Variants in TSC22D1 observed in about 807,000 individuals in gnomAD.
TSC22D1 encodes the protein TSC22 domain family protein 1.
TSC22D1 carries 9 observed loss-of-function variants against 74.2 expected under a neutral mutation model. The ratio of observed to expected loss-of-function variants is 0.12; its 90% CI spans 0.07 to 0.21. The LOEUF is 0.21. Among genes scored for constraint, TSC22D1 ranks in the 10% least tolerant of loss-of-function variants. TSC22D1 has a pLI of 1.00. For synonymous variants in TSC22D1, 586 were observed against 492.5 expected (o/e 1.19, Z -2.51); for missense variants, 1,427 against 1,304.7 (o/e 1.09, Z -1.44).
intron 1 of TSC22D1, among the ~76,000 whole-genome samples, chr13:44,517,645 G>C (rs1371449431): frequency 6.8e-6 from 1 of 146,518 alleles, no homozygotes; most frequent in Non-Finnish European, 1.5e-5. Flanking sequence ...AGGAGTTCAA[G>C]ACCAGCCTGG....
At position 44,573,389 on chromosome 13, in the gene TSC22D1, G is replaced by C; in HGVS notation, c.2686C>G (p.Gln896Glu). ...TGAGCTAATGATTGTGCGGAGAACT[G>C]GGTAGAACTTAGTGGTATCTGTTGT... Reference protein sequence around the residue: ...LAQQIPLSSTQFSAQSLAQAI... With the variant: ...LAQQIPLSSTEFSAQSLAQAI... Residue 896 changes from glutamine to glutamate, a missense_variant, in exon 1 of 3, where the codon CAG (glutamine) becomes GAG (glutamate). By Grantham distance (29) the Gln-to-Glu change is conservative (BLOSUM62 2). Transcript: ENST00000458659. 6 of 1,614,254 alleles carry C rather than the reference G, an allele frequency of 3.7e-6. No homozygotes were observed. Among genetic ancestry groups the C allele is most frequent in the Non-Finnish European group, 5.1e-6 (6 of 1,180,052 alleles).
chr13:44,467,202 A>T (rs528643141), intron 1 of TSC22D1, among the ~76,000 whole-genome samples: 1 of 152,178 alleles, frequency 6.6e-6, no homozygotes, highest in East Asian at 1.9e-4. Flanking sequence ...TGCTATGAAG[A>T]ATGAAACTGG....
rs138387724 is a variant in TSC22D1, at chr13:44,462,077, C to T, written c.2913-25982G>A. Among the ~76,000 whole-genome samples the T allele has an allele frequency of 4.3e-4, 66 of 152,138 alleles. 1 individual carries two copies. Among genetic ancestry groups the T allele is most frequent in the African/African-American group, 1.2e-3 (51 of 41,496 alleles). On this transcript the variant is annotated intron_variant, in intron 1 of 2. Coordinates refer to ENST00000458659, the MANE Select transcript of TSC22D1 (RefSeq NM_183422.4). ...AGGGGAGATAAATGATTTTAAAAGA[C>T]GCCAGGTAATCAAAATGTAAACATC...
At chr13:44,437,083 T>TTCCACGGCGGCC in intron 1 of TSC22D1, 1 of 976,692 alleles carries the variant, frequency 1.0e-6, no homozygotes, top group Non-Finnish European at 1.2e-6. Flanking sequence ...GTTCGGAGGT[T>TTCCACGGCGGCC]TCCACGGCGG....
chr13:44,550,973 G>GGC (rs770192872), intron 1 of TSC22D1, among the ~76,000 whole-genome samples: 27 of 151,524 alleles, frequency 1.8e-4, no homozygotes, highest in Non-Finnish European at 3.7e-4. Context: ...CGGGCATGGT[G>GGC]GCGCCCACCT....
chr13:44,459,089 T>C (rs1027921789), intron 1 of TSC22D1, among the ~76,000 whole-genome samples: 2 of 152,166 alleles, frequency 1.3e-5, no homozygotes, highest in Non-Finnish European at 2.9e-5. Flanking sequence ...CAGTGAGAAC[T>C]TGTGCTTTTT....
intron 1 of TSC22D1, chr13:44,437,078 G>C (rs1874757040): frequency 1.0e-6 from 1 of 974,800 alleles, no homozygotes; most frequent in Non-Finnish European, 1.2e-6. Context: ...GCTGGGTTCG[G>C]AGGTTTCCAC....
chr13:44,499,625 A>G (rs1411105241), intron 1 of TSC22D1, among the ~76,000 whole-genome samples: 1 of 152,302 alleles, frequency 6.6e-6, no homozygotes, highest in East Asian at 1.9e-4. Context: ...CTGGACCCAA[A>G]GCATTTCCCC....
chr13:44,557,543 A>C (rs1882743494), intron 1 of TSC22D1, among the ~76,000 whole-genome samples: 1 of 152,236 alleles, frequency 6.6e-6, no homozygotes, highest in African/African-American at 2.4e-5. Context: ...AATGAATATT[A>C]AAGCATTCAT....
intron 1 of TSC22D1, among the ~76,000 whole-genome samples, chr13:44,480,059 T>C (rs1878106228): frequency 6.6e-6 from 1 of 151,958 alleles, no homozygotes; most frequent in Non-Finnish European, 1.5e-5. Context: ...AAATATTAAA[T>C]TTGAAAAATA....
chr13:44,483,642 T>C (rs1878290077), intron 1 of TSC22D1, among the ~76,000 whole-genome samples: 1 of 144,530 alleles, frequency 6.9e-6, no homozygotes, highest in Admixed American at 7.2e-5. Flanking sequence ...CACTCCAGCC[T>C]GGGCGACAGA....
chr13:44,541,705 GA>G (rs1881479768), intron 1 of TSC22D1, among the ~76,000 whole-genome samples: 1 of 152,060 alleles, frequency 6.6e-6, no homozygotes, highest in Admixed American at 6.5e-5. Flanking sequence ...GCACAGATTA[GA>G]AAAAGGATCT....
At chr13:44,551,389 G>GGTGGGTGTGTGGGTGTGTGTGTGTGT (rs1298469090) in intron 1 of TSC22D1, among the ~76,000 whole-genome samples, 6 of 125,250 alleles carry the variant, frequency 4.8e-5, no homozygotes, top group Admixed American at 2.4e-4. Context: ...CAATCAGATG[G>GGTGGGTGTGTGGGTGTGTGTGTGTGT]GTGTGTGTGT....
chr13:44,527,333 A>G (rs1318450541), intron 1 of TSC22D1, among the ~76,000 whole-genome samples: 1 of 152,182 alleles, frequency 6.6e-6, no homozygotes, highest in Non-Finnish European at 1.5e-5. Flanking sequence ...TCAACAATAT[A>G]TTGAATAATT....
chr13:44,456,233 G>T (rs543351292), intron 1 of TSC22D1, among the ~76,000 whole-genome samples: 1 of 152,186 alleles, frequency 6.6e-6, no homozygotes, highest in African/African-American at 2.4e-5. Context: ...AAGCTTCCAC[G>T]GCGGAGAAGA....
intron 1 of TSC22D1, among the ~76,000 whole-genome samples, chr13:44,558,342 G>C (rs1271299487): frequency 6.6e-6 from 1 of 152,080 alleles, no homozygotes; most frequent in Non-Finnish European, 1.5e-5. Flanking sequence ...AAAAATTTTT[G>C]AATCATTTCC....
intron 1 of TSC22D1, among the ~76,000 whole-genome samples, chr13:44,527,148 T>C (rs969042088): frequency 6.6e-6 from 1 of 152,152 alleles, no homozygotes; most frequent in African/African-American, 2.4e-5. Flanking sequence ...AATAGAGAAT[T>C]TGTCACTACT....
rs370330510 is a variant in TSC22D1, at chr13:44,477,681, G to A, written c.2913-41586C>T. ...TTTTGAGACGGAGTCTTGCTCTGTCGCCCAGGCTGGAGTGCAGTGGGCATG... is the reference window on the plus strand; with the variant it reads ...TTTTGAGACGGAGTCTTGCTCTGTCACCCAGGCTGGAGTGCAGTGGGCATG... On this transcript the variant is annotated intron_variant, in intron 1 of 2. Transcript: ENST00000458659. Among the ~76,000 whole-genome samples the A allele has an allele frequency of 1.1e-3, 152 of 139,024 alleles. 2 individuals are homozygous for A. Among genetic ancestry groups the A allele is most frequent in the Middle Eastern group, 4.2e-3 (1 of 236 alleles). 91.2% of individuals were successfully genotyped at this position (139,024 alleles called of 152,430 possible).
intron 1 of TSC22D1, among the ~76,000 whole-genome samples, chr13:44,492,865 CATAA>C (rs1268719241): frequency 6.6e-6 from 1 of 152,024 alleles, no homozygotes; most frequent in Non-Finnish European, 1.5e-5. Context: ...TCTTAAAATA[CATAA>C]ATATGAGTTC....
Sources: allele counts gnomAD v4.1 joint callset (sites outside exome capture counted in the v4.1 genomes callset), GRCh38; gene constraint gnomAD v4.1.1; transcripts MANE v1.5; gene names NCBI Gene and HGNC (gene_info 2026-07-23, HGNC 2026-07-21).